The following ABI2 variants were observed in gnomAD, a reference collection of about 807,000 sequenced individuals.
The protein encoded by ABI2 is abl interactor 2.
ABI2 carries 25 observed loss-of-function variants against 59.2 expected under a neutral mutation model. The ratio of observed to expected loss-of-function variants is 0.42; its 90% CI spans 0.31 to 0.59. The LOEUF is 0.59. Ranked by LOEUF, ABI2 falls within the 20% of genes least tolerant of loss-of-function variation. ABI2 has a pLI of 0.14. For missense variants in ABI2, 545 were observed against 681.8 expected (o/e 0.80, Z 2.23); for synonymous variants, 213 against 235.5 (o/e 0.90, Z 0.87).
intron 8 of ABI2, among the ~76,000 whole-genome samples, chr2:203,401,767 T>TA (rs2097231190): frequency 6.6e-6 from 1 of 152,194 alleles, no homozygotes; most frequent in South Asian, 2.1e-4. Flanking sequence ...GATTTGGAAT[T>TA]ACGTCATTTA....
chr2:203,345,635 C>CT (rs777293121), intron 1 of ABI2, among the ~76,000 whole-genome samples: 2 of 151,962 alleles, frequency 1.3e-5, no homozygotes, highest in Non-Finnish European at 2.9e-5. Flanking sequence ...TCTCGAACTC[C>CT]TGACTTCAGG....
chr2:203,392,900 A>G (rs73060627), intron 5 of ABI2, among the ~76,000 whole-genome samples: 5 of 152,134 alleles, frequency 3.3e-5, no homozygotes, highest in African/African-American at 1.2e-4. Flanking sequence ...CCACTCTGCT[A>G]GTTGATGGCT....
chr2:203,336,221 G>T (rs1014499367), intron 1 of ABI2, among the ~76,000 whole-genome samples: 1 of 152,176 alleles, frequency 6.6e-6, no homozygotes, highest in East Asian at 1.9e-4. Flanking sequence ...TTTCTGGATT[G>T]TTTCTAGTTT....
At chr2:203,369,483 T>A (rs1051510795) in intron 2 of ABI2, among the ~76,000 whole-genome samples, 3 of 152,166 alleles carry the variant, frequency 2.0e-5, no homozygotes, top group African/African-American at 7.2e-5. Context: ...GGAAGGTGAA[T>A]ACTCAGCCAC....
At chr2:203,351,305 T>G (rs1431740813) in intron 1 of ABI2, among the ~76,000 whole-genome samples, 1 of 152,206 alleles carries the variant, frequency 6.6e-6, no homozygotes, top group Non-Finnish European at 1.5e-5. Context: ...TTCAGGATTA[T>G]TTTGGCTATT....
At chr2:203,376,049 A>G (rs895185473) in intron 2 of ABI2, 4 of 1,527,798 alleles carry the variant, frequency 2.6e-6, no homozygotes, top group South Asian at 1.2e-5. Context: ...TAAAATATCT[A>G]TACTTAGGCA....
intron 5 of ABI2, among the ~76,000 whole-genome samples, chr2:203,393,099 A>G (rs2096835078): frequency 6.6e-6 from 1 of 152,180 alleles, no homozygotes; most frequent in African/African-American, 2.4e-5. Context: ...GCGGTTGTAC[A>G]ATATTGGCTC....
rs921826772 is a variant in ABI2, at chr2:203,429,387, C to G, written c.*2035C>G. 1 of 152,164 alleles carries G rather than the reference C, an allele frequency of 6.6e-6. No homozygotes were observed. The highest frequency in any genetic ancestry group is 2.4e-5 in the African/African-American group (1 of 41,430). 9.4% of individuals were successfully genotyped at this position (152,164 alleles called of 1,614,324 possible). On this transcript the variant is annotated 3_prime_UTR_variant, in exon 12 of 12. Transcript: ENST00000261018. ...AAAAACTGTTTTAAATTAGATGTTC[C>G]CATTATTTATTTAAACAGCTTTTTG...
chr2:203,356,266 C>G (rs1220767603), intron 1 of ABI2, among the ~76,000 whole-genome samples: 1 of 152,166 alleles, frequency 6.6e-6, no homozygotes, highest in Admixed American at 6.5e-5. Flanking sequence ...TGGCTCACTA[C>G]GAGCTCAGAC....
At chr2:203,350,445 G>A (rs906949710) in intron 1 of ABI2, among the ~76,000 whole-genome samples, 2 of 151,938 alleles carry the variant, frequency 1.3e-5, no homozygotes, top group African/African-American at 4.8e-5. Flanking sequence ...GAACTCATGG[G>A]CTCAAGCAAG....
At chr2:203,383,619 C>T (rs921633522) in intron 4 of ABI2, among the ~76,000 whole-genome samples, 1 of 152,130 alleles carries the variant, frequency 6.6e-6, no homozygotes, top group African/African-American at 2.4e-5. Flanking sequence ...GATGTTCCTG[C>T]GTCAGGATCT....
chr2:203,329,404 A>G (rs1303120410), intron 1 of ABI2, among the ~76,000 whole-genome samples: 2 of 128,112 alleles, frequency 1.6e-5, no homozygotes, highest in African/African-American at 6.0e-5. Context: ...TGATAGTGGT[A>G]GGGGCGTGTG....
At chr2:203,363,758 T>G (rs1291476383) in intron 1 of ABI2, among the ~76,000 whole-genome samples, 3 of 151,664 alleles carry the variant, frequency 2.0e-5, no homozygotes, top group Non-Finnish European at 4.4e-5. Context: ...ATGTACCATA[T>G]TTTCTTTTCT....
chr2:203,337,248 C>G (rs1218025224), intron 1 of ABI2, among the ~76,000 whole-genome samples: 1 of 152,138 alleles, frequency 6.6e-6, no homozygotes, highest in Admixed American at 6.5e-5. Context: ...ATACAAAACC[C>G]TAAAGACTCC....
intron 2 of ABI2, chr2:203,375,989 G>A (rs755368526): frequency 1.8e-5 from 22 of 1,228,344 alleles, no homozygotes; most frequent in Admixed American, 1.0e-4. Flanking sequence ...AAATTATACC[G>A]TTGTTAGATT....
At chr2:203,382,006 T>G (rs1009240420) in intron 3 of ABI2, among the ~76,000 whole-genome samples, 183 bp from the exon 4 acceptor site, 20 of 152,302 alleles carry the variant, frequency 1.3e-4, no homozygotes, top group South Asian at 2.1e-4. Context: ...CAGAGAAACT[T>G]CTGTTCATGA....
chr2:203,416,874 A>G (rs1049632719), intron 10 of ABI2, 34 bp from the exon 11 acceptor site: 7 of 1,575,822 alleles, frequency 4.4e-6, no homozygotes, highest in East Asian at 2.3e-5. Flanking sequence ...TTTGCATAAC[A>G]TATAGTTTTG....
At chr2:203,398,474 A>T (rs2097094884) in intron 8 of ABI2, among the ~76,000 whole-genome samples, 1 of 152,214 alleles carries the variant, frequency 6.6e-6, no homozygotes, top group African/African-American at 2.4e-5. Flanking sequence ...AGCAAGGTAA[A>T]TGTCTTATTA....
chr2:203,328,429 C>G lies in ABI2; in HGVS notation c.-86C>G, dbSNP rs986170990. The stretch of plus-strand genomic sequence containing the variant: ...TACCGCCGCCGTCGCCGCCGCTCCT[C>G]CTCTCCCGGTCCTGGGTTTCCTTGG... On this transcript the variant is annotated 5_prime_UTR_variant, in exon 1 of 12. Coordinates refer to ENST00000261018, the MANE Select transcript of ABI2 (RefSeq NM_001375670.1). The G allele has an allele frequency of 1.8e-6, 2 of 1,137,314 alleles. No individual in the cohort carries two copies. Among genetic ancestry groups the G allele is most frequent in the African/African-American group, 1.6e-5 (1 of 62,276 alleles). The allele number at this position is 1,137,314 out of a possible 1,614,324, so 70.5% of individuals were successfully genotyped here. A position where few individuals can be genotyped will look rare whatever the true frequency, so the allele number is the denominator to read the frequency against.
Sources: gnomAD v4.1 joint callset for allele counts (sites outside exome capture counted in the v4.1 genomes callset) on GRCh38, gnomAD v4.1.1 for gene constraint, MANE v1.5 for transcripts, NCBI Gene and HGNC (gene_info 2026-07-23, HGNC 2026-07-21) for gene names.